Variants in MAD2L2 observed in about 807,000 individuals in gnomAD.
The protein encoded by MAD2L2 is mitotic spindle assembly checkpoint protein MAD2B.
In MAD2L2, 17 loss-of-function variants were observed where a neutral mutation model predicts 30.5. That is an observed-to-expected ratio of 0.56 (90% CI 0.38 to 0.84). MAD2L2 has a LOEUF of 0.84. MAD2L2 is among the 40% of genes least tolerant of loss of function. The pLI is 0.00. For missense variants in MAD2L2, 213 were observed against 277.4 expected (o/e 0.77, Z 1.65); for synonymous variants, 101 against 113.9 (o/e 0.89, Z 0.72).
At chr1:11,683,601 G>C (rs1640910571), upstream of MAD2L2, among the ~76,000 whole-genome samples, 1 of 152,080 alleles carries the variant, frequency 6.6e-6, no homozygotes, top group African/African-American at 2.4e-5. Context: ...CACTGCTGAG[G>C]TGATGGATGC....
At chr1:11,683,837 G>A (rs1322396916), upstream of MAD2L2, among the ~76,000 whole-genome samples, 2 of 152,092 alleles carry the variant, frequency 1.3e-5, no homozygotes, top group Non-Finnish European at 2.9e-5. Flanking sequence ...CAGGTGTGGT[G>A]GCGCATGCCT....
chr1:11,686,695 G>A (rs775824520), intron 1 of MAD2L2, among the ~76,000 whole-genome samples: 26 of 151,396 alleles, frequency 1.7e-4, no homozygotes, highest in Non-Finnish European at 2.5e-4. Context: ...GAGCCACTGC[G>A]CCCGGCCCAG....
upstream of MAD2L2, among the ~76,000 whole-genome samples, chr1:11,682,883 A>C (rs1488472219): frequency 6.6e-6 from 1 of 152,172 alleles, no homozygotes; most frequent in Non-Finnish European, 1.5e-5. Context: ...AACCATTCTC[A>C]AGATATGGGG....
chr1:11,687,298 G>A lies in MAD2L2; in HGVS notation c.-692+4115C>T, dbSNP rs1455397837. Among the ~76,000 whole-genome samples the A allele has an allele frequency of 6.6e-6, 1 of 152,140 alleles. No individual in the cohort carries two copies. Among genetic ancestry groups the A allele is most frequent in the Non-Finnish European group, 1.5e-5 (1 of 68,030 alleles). On this transcript the variant is annotated intron_variant, in intron 1 of 10. Transcript: ENST00000235310. The surrounding 1 kb of genome is among the most constrained non-coding windows in gnomAD (Gnocchi z 4.1). ...TCTGCCACCCAGGCTGGAGGGCGGT[G>A]GTGCAATCTCGGCTCAATGAAATCT...
intron 7 of MAD2L2, 127 bp from the exon 8 acceptor site, chr1:11,675,301 T>C: frequency 1.5e-6 from 1 of 652,480 alleles, no homozygotes; most frequent in East Asian, 2.8e-5. Flanking sequence ...AAGCTGTTGG[T>C]GATGCAGACC....
At position 11,688,638 on chromosome 1, in the gene MAD2L2, C is replaced by A. The variant is rs1252861535; in HGVS notation, c.-692+2775G>T. Among the ~76,000 whole-genome samples the A allele has an allele frequency of 6.6e-6, 1 of 152,100 alleles. No homozygotes were observed. The highest frequency in any genetic ancestry group is 1.5e-5 in the Non-Finnish European group (1 of 68,020). On this transcript the variant is annotated intron_variant, in intron 1 of 10. Transcript: ENST00000235310. This position sits in a 1 kb window ranked among gnomAD's most constrained non-coding sequence, Gnocchi z 4.6. Reference sequence around the variant, plus strand: ...TCATGTCTCTGCTCTGCTCATGGTCCCTCTAAAAAGCTCAAGTCCTCCCTG... The same window carrying A: ...TCATGTCTCTGCTCTGCTCATGGTCACTCTAAAAAGCTCAAGTCCTCCCTG...
At chr1:11,682,914 T>C (rs1640900689), upstream of MAD2L2, among the ~76,000 whole-genome samples, 1 of 152,190 alleles carries the variant, frequency 6.6e-6, no homozygotes, top group Admixed American at 6.5e-5. Context: ...CATCATGCCA[T>C]TTCCACACAG....
chr1:11,675,902 T>C lies in MAD2L2; in HGVS notation c.427+144A>G, dbSNP rs778368042. 4.5e-6 allele frequency: 4 copies of C among 888,536 alleles called. No individual in the cohort carries two copies. In the Admixed American group the frequency reaches 7.4e-5, roughly 16 times the overall value. The allele number at this position is 888,536 out of a possible 1,614,324, so 55.0% of individuals were successfully genotyped here. On this transcript the variant is annotated intron_variant, in intron 6 of 8. Transcript: ENST00000376692. ...GGAGATGGAAGCCAGGTAGAATCAA[T>C]CAGGGAAGCTTCCCAGAGGAGGTGG... is the stretch of plus-strand genomic sequence containing the variant.
intron 1 of MAD2L2, 111 bp from the exon 2 acceptor site, chr1:11,680,724 C>T: frequency 2.8e-6 from 4 of 1,452,278 alleles, no homozygotes; most frequent in Non-Finnish European, 3.6e-6. Context: ...GGGGAAGGAC[C>T]TCCCGCTTCG....
chr1:11,681,547 C>A, upstream of MAD2L2: 1 of 152,270 alleles, frequency 6.6e-6, no homozygotes. Flanking sequence ...TCCTCTGGCT[C>A]GGGGGCGGGA....
intron 1 of MAD2L2, 132 bp from the exon 2 acceptor site, chr1:11,680,745 G>C: frequency 7.1e-7 from 1 of 1,405,170 alleles, no homozygotes. Flanking sequence ...CACAGGCTCA[G>C]GGCAGCTGGA....
Position 11,690,627 on chromosome 1 carries a change from G to T in MAD2L2, c.-692+786C>A, listed in dbSNP as rs894654281. On this transcript the variant is annotated intron_variant, in intron 1 of 10. Coordinates refer to the MAD2L2 transcript ENST00000235310. This position sits in a 1 kb window ranked among gnomAD's most constrained non-coding sequence, Gnocchi z 4.2. ...CACACGCTGGAGAAAGAAAACAGTC[G>T]AAATGGAAGCCACCTGGCGAGCTCA... is the stretch of plus-strand genomic sequence containing the variant. 1.3e-5 allele frequency among the ~76,000 whole-genome samples: 2 copies of T among 152,182 alleles called. No homozygotes were observed. Among genetic ancestry groups the T allele is most frequent in the African/African-American group, 2.4e-5 (1 of 41,440 alleles).
At position 11,676,159 on chromosome 1, in the gene MAD2L2, C is replaced by T; in HGVS notation, c.333-19G>A. 1 of 1,528,152 alleles carries T rather than the reference C, an allele frequency of 6.5e-7. No individual in the cohort carries two copies. The highest frequency in any genetic ancestry group is 8.9e-7 in the Non-Finnish European group (1 of 1,117,710). 94.7% of individuals were successfully genotyped at this position (1,528,152 alleles called of 1,614,324 possible). On this transcript the variant is annotated intron_variant, in intron 5 of 8. Transcript: ENST00000376692. ...GTCTGAGCTGGGAGTGAGAGGAGGTCTTCCCATCACACTGGCGCCCTCCCC... is the reference window on the plus strand; with the variant it reads ...GTCTGAGCTGGGAGTGAGAGGAGGTTTTCCCATCACACTGGCGCCCTCCCC...
At chr1:11,686,605 G>A (rs931703947) in intron 1 of MAD2L2, among the ~76,000 whole-genome samples, 4 of 152,138 alleles carry the variant, frequency 2.6e-5, no homozygotes, top group African/African-American at 9.7e-5. Context: ...GTTTCGCCAT[G>A]TTGGCCAGGC....
At chr1:11,689,625 G>A (rs1273658646) in intron 1 of MAD2L2, among the ~76,000 whole-genome samples, 1 of 152,174 alleles carries the variant, frequency 6.6e-6, no homozygotes, top group Non-Finnish European at 1.5e-5. Context: ...GGGGAGGGGA[G>A]AAGCATGAAT....
intron 1 of MAD2L2, 115 bp downstream of exon 1, chr1:11,680,924 G>A (rs1046543669): frequency 4.5e-5 from 20 of 442,498 alleles, no homozygotes; most frequent in Non-Finnish European, 6.0e-5. Context: ...GCCCAGGGCC[G>A]GGAGCGCAAA....
chr1:11,688,325 C>T lies in MAD2L2; in HGVS notation c.-692+3088G>A, dbSNP rs1305189711. Among the ~76,000 whole-genome samples the T allele has an allele frequency of 7.9e-5, 12 of 152,088 alleles. No individual in the cohort carries two copies. Among genetic ancestry groups the T allele is most frequent in the Non-Finnish European group, 8.8e-5 (6 of 68,028 alleles). ...CTGTAATCCCAGAACTTTGGGAGGC[C>T]GAGGCTGGCGAATCACCTGAGGTCA... On this transcript the variant is annotated intron_variant, in intron 1 of 10. Transcript: ENST00000235310. The surrounding 1 kb of genome is among the most constrained non-coding windows in gnomAD (Gnocchi z 4.6).
chr1:11,678,107 G>T (rs1197891704), intron 3 of MAD2L2, among the ~76,000 whole-genome samples: 1 of 148,528 alleles, frequency 6.7e-6, no homozygotes, highest in African/African-American at 2.5e-5. Flanking sequence ...TATCCATAGA[G>T]AAAGAAGTTA....
rs902978531 is a variant in MAD2L2, at chr1:11,690,977, T to C, written c.-692+436A>G. 7.2e-5 allele frequency among the ~76,000 whole-genome samples: 11 copies of C among 152,054 alleles called. No homozygotes were observed. Among genetic ancestry groups the C allele is most frequent in the Non-Finnish European group, 1.5e-4 (10 of 67,974 alleles). On this transcript the variant is annotated intron_variant, in intron 1 of 10. Coordinates refer to the MAD2L2 transcript ENST00000235310. The surrounding 1 kb of genome is among the most constrained non-coding windows in gnomAD (Gnocchi z 4.2). ...GTGTGTGTGTATTGGGGCGGTTGTC[T>C]TTCTCCCTTCCCTACCGGGAAAGAG...
Sources: gnomAD v4.1 joint callset for allele counts (sites outside exome capture counted in the v4.1 genomes callset) on GRCh38, gnomAD v4.1.1 for gene constraint, Gnocchi (gnomAD v3.1) non-coding constraint, MANE v1.5 for transcripts, NCBI Gene and HGNC (gene_info 2026-07-23, HGNC 2026-07-21) for gene names.